Variants in PTPRN2 observed in about 807,000 individuals in gnomAD.
The protein encoded by PTPRN2 is protein tyrosine phosphatase receptor type N2, also known as receptor-type tyrosine-protein phosphatase N2.
In PTPRN2, 74 loss-of-function variants were observed where a neutral mutation model predicts 118.8. That is an observed-to-expected ratio of 0.62 (90% confidence interval 0.52 to 0.76). The LOEUF is 0.76. PTPRN2 is among the 30% of genes least tolerant of loss of function. PTPRN2 has a pLI of 0.00. For synonymous variants in PTPRN2, 641 were observed against 608.0 expected (o/e 1.05, Z -0.80); for missense variants, 1,481 against 1,394.4 (o/e 1.06, Z -0.99).
chr7:158,405,011 TCAGCTCCCCGGCCC>T (rs1303133235), intron 2 of PTPRN2, among the ~76,000 whole-genome samples: 2 of 45,058 alleles, frequency 4.4e-5, no homozygotes, highest in East Asian at 6.5e-4. Flanking sequence ...CTCCTCGGCC[TCAGCTCCCCGGCCC>T]CAGCTCCCCG....
intron 12 of PTPRN2, among the ~76,000 whole-genome samples, chr7:157,824,104 G>A (rs1807021006): frequency 1.3e-5 from 2 of 152,176 alleles, no homozygotes; most frequent in Non-Finnish European, 2.9e-5. Context: ...TGAACCCAGC[G>A]AGAGCACACG....
intron 12 of PTPRN2, among the ~76,000 whole-genome samples, chr7:157,878,334 C>G (rs912439508): frequency 1.3e-4 from 20 of 149,714 alleles, no homozygotes; most frequent in Non-Finnish European, 2.2e-4. Flanking sequence ...TTCCGTGGGG[C>G]TGGAAGGGTC....
intron 9 of PTPRN2, among the ~76,000 whole-genome samples, chr7:158,120,575 G>A (rs551450930): frequency 2.0e-4 from 31 of 152,278 alleles, no homozygotes; most frequent in African/African-American, 5.3e-4. Flanking sequence ...AGCCTGTGGC[G>A]TGTTCTTTAA....
chr7:158,002,976 C>T (rs936390885), intron 11 of PTPRN2, among the ~76,000 whole-genome samples: 1 of 152,090 alleles, frequency 6.6e-6, no homozygotes, highest in South Asian at 2.1e-4. Flanking sequence ...TGCTACAGGC[C>T]GCTTGGATCC....
rs35071475 is a variant in PTPRN2 at position 157,583,883 on chromosome 7, A to AACACACAC, written c.2497-5751_2497-5744dup. ...GGTGACAGAGCGAGACTCTGTCTCA[A>AACACACAC]ACACACACACACACACACACACACA... On this transcript the variant is annotated intron_variant, in intron 17 of 22. Coordinates refer to ENST00000389418, the MANE Select transcript of PTPRN2 (RefSeq NM_002847.5). This position sits in a 1 kb window ranked among gnomAD's most constrained non-coding sequence, Gnocchi z 5.5. Among the ~76,000 whole-genome samples the AACACACAC allele has an allele frequency of 6.3e-4, 85 of 134,158 alleles. No individual in the cohort carries two copies. The highest frequency in any genetic ancestry group is 9.5e-4 in the Non-Finnish European group (60 of 62,974). 88.0% of individuals were successfully genotyped at this position (134,158 alleles called of 152,430 possible). A position where few individuals can be genotyped will look rare whatever the true frequency, so the allele number is the denominator to read the frequency against.
intron 3 of PTPRN2, among the ~76,000 whole-genome samples, chr7:158,308,055 T>A (rs1376051279): frequency 6.6e-6 from 1 of 152,220 alleles, no homozygotes; most frequent in African/African-American, 2.4e-5. Flanking sequence ...CAGATACCTG[T>A]AATAAATAAA....
chr7:157,616,450 T>C (rs1345159013), intron 15 of PTPRN2: 3 of 151,986 alleles, frequency 2.0e-5, no homozygotes, highest in Non-Finnish European at 4.4e-5. Context: ...TAAAAAAGAA[T>C]CCTCAGTCTC....
intron 11 of PTPRN2, among the ~76,000 whole-genome samples, chr7:158,000,585 T>C (rs1164024383): frequency 2.5e-5 from 1 of 39,918 alleles, no homozygotes; most frequent in African/African-American, 8.9e-5. Flanking sequence ...GGGTGGGGGC[T>C]GGTGTCCGGC....
intron 11 of PTPRN2, among the ~76,000 whole-genome samples, chr7:157,957,518 C>G (rs1801260148): frequency 6.6e-6 from 1 of 152,020 alleles, no homozygotes; most frequent in Non-Finnish European, 1.5e-5. Context: ...TCAATTAATA[C>G]TTTTAAATAG....
At chr7:158,112,710 G>A (rs1816384443) in intron 9 of PTPRN2, among the ~76,000 whole-genome samples, 1 of 151,550 alleles carries the variant, frequency 6.6e-6, no homozygotes, top group African/African-American at 2.4e-5. Context: ...GTCTGTCAGT[G>A]CAGAGGTCAA....
Position 158,043,103 on chromosome 7 carries a change from C to T in PTPRN2, c.1723+38195G>A, listed in dbSNP as rs377032915. Among the ~76,000 whole-genome samples, 28 of 152,120 alleles carry T rather than the reference C, an allele frequency of 1.8e-4. 1 individual carries two copies. The South Asian group carries it at 5.6e-3, about 30-fold the overall frequency. On this transcript the variant is annotated intron_variant, in intron 11 of 22. Coordinates refer to ENST00000389418, the MANE Select transcript of PTPRN2 (RefSeq NM_002847.5). ...GGCCATGCCCATAGTTCCAGCTACT[C>T]GGGAGGCTAAGGCAGGAGGATTACT...
chr7:158,363,815 G>A (rs1809206227), intron 2 of PTPRN2, among the ~76,000 whole-genome samples: 1 of 152,186 alleles, frequency 6.6e-6, no homozygotes, highest in South Asian at 2.1e-4. Flanking sequence ...GGATGCCTCT[G>A]GCAGGTCAGG....
intron 6 of PTPRN2, among the ~76,000 whole-genome samples, chr7:158,145,882 C>A (rs1295184764): frequency 6.6e-6 from 1 of 152,162 alleles, no homozygotes; most frequent in East Asian, 1.9e-4. Flanking sequence ...GAGTCTTGGC[C>A]CCAGCGCTCA....
rs768256608 is a variant in PTPRN2 at position 157,874,199 on chromosome 7, CCT to C, written c.1788+24472_1788+24473del. On this transcript the variant is annotated intron_variant, in intron 12 of 22. Coordinates refer to ENST00000389418, the MANE Select transcript of PTPRN2 (RefSeq NM_002847.5). This position sits in a 1 kb window ranked among gnomAD's most constrained non-coding sequence, Gnocchi z 5.8. The stretch of plus-strand genomic sequence containing the variant: ...CGGCCCTCAGTCTGCCTCTGGCCTC[CCT>C]CTGTTTCCCCCTCCACAACTGGGCA... Among the ~76,000 whole-genome samples, 60 of 152,276 alleles carry C rather than the reference CCT, an allele frequency of 3.9e-4. No individual in the cohort carries two copies. The highest frequency in any genetic ancestry group is 6.5e-4 in the Admixed American group (10 of 15,298).
At chr7:158,151,495 C>T (rs1380375514) in intron 6 of PTPRN2, among the ~76,000 whole-genome samples, 468 of 116,650 alleles carry the variant, frequency 4.0e-3, no homozygotes, top group Admixed American at 7.8e-3. Context: ...CCTGCCCACA[C>T]CGCCCGCCTT....
intron 2 of PTPRN2, among the ~76,000 whole-genome samples, chr7:158,441,561 G>GGTGGTGATGGTA: frequency 6.7e-6 from 1 of 148,708 alleles, no homozygotes; most frequent in African/African-American, 2.6e-5. Context: ...CAGTGATAGT[G>GGTGGTGATGGTA]ATAGTGATGG....
chr7:157,553,628 C>A (rs981244129), intron 21 of PTPRN2, among the ~76,000 whole-genome samples: 1 of 152,064 alleles, frequency 6.6e-6, no homozygotes, highest in East Asian at 1.9e-4. Context: ...GAGAACCGGG[C>A]GGAAATACAA....
intron 1 of PTPRN2, among the ~76,000 whole-genome samples, chr7:158,582,511 G>A (rs1213056035): frequency 2.0e-5 from 3 of 151,488 alleles, no homozygotes; most frequent in African/African-American, 7.3e-5. Flanking sequence ...TTGAGGCCAG[G>A]AGTTCAAGAC....
intron 11 of PTPRN2, among the ~76,000 whole-genome samples, chr7:157,937,117 G>A (rs935577068): frequency 3.9e-5 from 6 of 152,270 alleles, no homozygotes; most frequent in African/African-American, 7.2e-5. Context: ...CCGGACCCCT[G>A]AACACCGTGG....
Sources: gnomAD v4.1 joint callset for allele counts (sites outside exome capture counted in the v4.1 genomes callset) on GRCh38, gnomAD v4.1.1 for gene constraint, Gnocchi (gnomAD v3.1) non-coding constraint, MANE v1.5 for transcripts, NCBI Gene and HGNC (gene_info 2026-07-23, HGNC 2026-07-21) for gene names.